HIP1: variants seen among roughly 807,000 people sequenced by gnomAD.
HIP1 encodes huntingtin interacting protein 1, also known as huntingtin-interacting protein 1.
In HIP1, 65 loss-of-function variants were observed where a neutral mutation model predicts 147.6. The ratio of observed to expected loss-of-function variants is 0.44; its 90% CI spans 0.36 to 0.54. HIP1 has a LOEUF of 0.54. Among genes scored for constraint, HIP1 ranks in the 20% least tolerant of loss-of-function variants. The pLI is 0.00. For missense variants in HIP1, 1,061 were observed against 1,299.6 expected, an observed-to-expected ratio of 0.82 and a Z score of 2.82; for synonymous variants, 479 against 504.0, an observed-to-expected ratio of 0.95 and a Z score of 0.67.
At chr7:75,630,010 T>C (rs1391847825) in intron 1 of HIP1, among the ~76,000 whole-genome samples, 1 of 152,068 alleles carries the variant, frequency 6.6e-6, no homozygotes, top group Non-Finnish European at 1.5e-5. Context: ...AAGTTAAAAA[T>C]TGCTGGGCAT....
At chr7:75,544,382 A>G (rs1668928) in intron 27 of HIP1, among the ~76,000 whole-genome samples, 3 of 106,914 alleles carry the variant, frequency 2.8e-5, no homozygotes, top group Admixed American at 1.8e-4. Flanking sequence ...ATCTAACCTA[A>G]CCAAGTACCA....
intron 1 of HIP1, among the ~76,000 whole-genome samples, chr7:75,665,086 C>A (rs1443637656): frequency 5.3e-5 from 8 of 151,808 alleles, no homozygotes; most frequent in Admixed American, 3.9e-4. Context: ...ATAGTGAGAC[C>A]CTGTTTCTAC....
intron 1 of HIP1, among the ~76,000 whole-genome samples, chr7:75,657,526 CAAAAAA>C (rs201991075): frequency 2.1e-4 from 14 of 66,650 alleles, no homozygotes; most frequent in Admixed American, 1.3e-3. Flanking sequence ...GACTTTGTCT[CAAAAAA>C]AAAAAAAAAA....
intron 1 of HIP1, among the ~76,000 whole-genome samples, chr7:75,649,170 A>G (rs1482566197): frequency 2.6e-5 from 4 of 152,090 alleles, no homozygotes; most frequent in East Asian, 3.9e-4. Flanking sequence ...GATTATAGGC[A>G]TATGCCACCA....
intron 1 of HIP1, among the ~76,000 whole-genome samples, chr7:75,616,905 A>T (rs1164825472): frequency 6.6e-6 from 1 of 151,556 alleles, no homozygotes; most frequent in Non-Finnish European, 1.5e-5. Flanking sequence ...CTACATTTAG[A>T]TGACTATTTT....
chr7:75,604,635 C>T (rs1248061366), intron 1 of HIP1, among the ~76,000 whole-genome samples: 1 of 149,894 alleles, frequency 6.7e-6, no homozygotes, highest in African/African-American at 2.5e-5. Flanking sequence ...CATCACTATG[C>T]TCGTCTGAAT....
rs782176011 is a variant in HIP1, at chr7:75,573,766, T to C, written c.740A>G (p.His247Arg). Residue 247 changes from histidine (H) to arginine (R), a missense_variant, in exon 8 of 31, where the codon CAC becomes CGC. Physicochemically the swap from His to Arg is conservative, Grantham distance 29. Coordinates refer to ENST00000336926, the MANE Select transcript of HIP1 (RefSeq NM_005338.7). Reference protein sequence around the residue: ...DYTVKLLFKLHSCLPADTLQG... With the variant: ...DYTVKLLFKLRSCLPADTLQG... Reference sequence around the variant, plus strand: ...ATCTGGCCCGCGGTACTCACAGGAGTGGAGTTTGAAGAGAAGCTTGACAGT... The same window carrying C: ...ATCTGGCCCGCGGTACTCACAGGAGCGGAGTTTGAAGAGAAGCTTGACAGT... The C allele has an allele frequency of 1.9e-6, 3 of 1,612,560 alleles. No homozygotes were observed. The South Asian group carries it at 3.3e-5, about 18-fold the overall frequency.
chr7:75,539,624 T>A (rs587663426), intron 29 of HIP1, among the ~76,000 whole-genome samples, 193 bp from the exon 30 acceptor site: 1 of 152,112 alleles, frequency 6.6e-6, no homozygotes, highest in Admixed American at 6.6e-5. Flanking sequence ...CCAGCCTACA[T>A]CTATCTTATT....
chr7:75,700,081 C>A (rs1179527941), intron 1 of HIP1, among the ~76,000 whole-genome samples: 1 of 152,150 alleles, frequency 6.6e-6, no homozygotes. Context: ...GAACTCCTGG[C>A]CTCAAGTGAT....
At chr7:75,654,239 A>G (rs2117195407) in intron 1 of HIP1, among the ~76,000 whole-genome samples, 1 of 152,254 alleles carries the variant, frequency 6.6e-6, no homozygotes, top group African/African-American at 2.4e-5. Flanking sequence ...TACTAAAAAT[A>G]CAAAAATTAG....
chr7:75,671,993 C>T (rs1234841061), intron 1 of HIP1, among the ~76,000 whole-genome samples: 1 of 152,180 alleles, frequency 6.6e-6, no homozygotes, highest in African/African-American at 2.4e-5. Context: ...CCTCAGCCTC[C>T]CAAAGTGCTG....
At chr7:75,713,774 G>A (rs1554520312) in intron 1 of HIP1, among the ~76,000 whole-genome samples, 1 of 150,730 alleles carries the variant, frequency 6.6e-6, no homozygotes, top group Non-Finnish European at 1.5e-5. Context: ...TTGGCTCACT[G>A]CAACCTCTGC....
intron 1 of HIP1, among the ~76,000 whole-genome samples, chr7:75,635,298 C>T (rs587737839): frequency 7.2e-5 from 11 of 152,166 alleles, no homozygotes; most frequent in African/African-American, 2.7e-4. Flanking sequence ...AGAATTAGCC[C>T]CAAGAGCTGT....
intron 1 of HIP1, among the ~76,000 whole-genome samples, chr7:75,645,494 T>C (rs1224194833): frequency 6.6e-6 from 1 of 152,226 alleles, no homozygotes; most frequent in Admixed American, 6.5e-5. Flanking sequence ...CCCAAAGTGC[T>C]GTAATTACAG....
chr7:75,665,716 T>A (rs1237943088), intron 1 of HIP1, among the ~76,000 whole-genome samples: 1 of 151,964 alleles, frequency 6.6e-6, no homozygotes, highest in Non-Finnish European at 1.5e-5. Flanking sequence ...AATTTTTGTA[T>A]TTTCAGTAGA....
At chr7:75,588,246 A>G (rs1796354429) in intron 4 of HIP1, among the ~76,000 whole-genome samples, 1 of 152,194 alleles carries the variant, frequency 6.6e-6, no homozygotes, top group Non-Finnish European at 1.5e-5. Flanking sequence ...TACAGACTTC[A>G]AAGAATTCTC....
chr7:75,542,094 C>T, intron 28 of HIP1, 114 bp from the exon 29 acceptor site: 3 of 858,430 alleles, frequency 3.5e-6, no homozygotes, highest in Non-Finnish European at 6.0e-6. Context: ...TTTGTCAACA[C>T]TGCATGAAAG....
chr7:75,658,251 C>G lies in HIP1; in HGVS notation c.121-59004G>C, dbSNP rs552520079. Among the ~76,000 whole-genome samples the G allele has an allele frequency of 9.9e-4, 151 of 152,272 alleles. 2 individuals carry two copies. Among genetic ancestry groups the G allele is most frequent in the Middle Eastern group, 3.4e-3 (1 of 294 alleles). On this transcript the variant is annotated intron_variant, in intron 1 of 30. Coordinates refer to ENST00000336926, the MANE Select transcript of HIP1 (RefSeq NM_005338.7). ...TACACGCATCTGCCATCACACCCAG[C>G]TAGTTTTTGTATTTTTAGTAGAGAT...
chr7:75,724,376 T>C (rs566571402), intron 1 of HIP1, among the ~76,000 whole-genome samples: 69 of 152,180 alleles, frequency 4.5e-4, no homozygotes, highest in African/African-American at 1.6e-3. Flanking sequence ...GCCTTCTGAG[T>C]AGCTGCAATT....
Sources: gnomAD v4.1 joint callset for allele counts (sites outside exome capture counted in the v4.1 genomes callset) on GRCh38, gnomAD v4.1.1 for gene constraint, MANE v1.5 for transcripts, NCBI Gene and HGNC (gene_info 2026-07-23, HGNC 2026-07-21) for gene names.